SCRT1: variants seen among roughly 807,000 people sequenced by gnomAD.
The protein encoded by SCRT1 is scratch family transcriptional repressor 1, also known as transcriptional repressor scratch 1.
In SCRT1, 1 loss-of-function variant was observed where a neutral mutation model predicts 3.4. The observed-to-expected ratio is 0.29, with a 90% CI of 0.10 to 1.39. The LOEUF (loss-of-function observed/expected upper bound fraction) is 1.39. Among genes scored for constraint, SCRT1 ranks in the 40% most tolerant of loss-of-function variants. The pLI, the probability that SCRT1 is intolerant of heterozygous loss-of-function variation, is 0.42. For synonymous variants in SCRT1, 238 were observed against 247.0 expected, an observed-to-expected ratio of 0.96 and a Z score of 0.34; for missense variants, 380 against 526.3, an observed-to-expected ratio of 0.72 and a Z score of 2.72.
rs1282330290 is a variant in SCRT1 at position 144,332,195 on chromosome 8, G to A, written c.*990C>T. 1.3e-5 allele frequency: 2 copies of A among 152,308 alleles called. No individual in the cohort carries two copies. The highest frequency in any genetic ancestry group is 2.9e-5 in the Non-Finnish European group (2 of 68,058). The allele number at this position is 152,308 out of a possible 1,614,324, so 9.4% of individuals were successfully genotyped here. On this transcript the variant is annotated 3_prime_UTR_variant, in exon 2 of 2. Coordinates refer to ENST00000569446, the MANE Select transcript of SCRT1 (RefSeq NM_031309.6). Reference sequence around the variant, plus strand: ...GCCCCCGGCGTCGGCGGGCAAGATGGGGGTTCAGCGCCCCCTCCCTGACCC... The same window carrying A: ...GCCCCCGGCGTCGGCGGGCAAGATGAGGGTTCAGCGCCCCCTCCCTGACCC...
chr8:144,333,575 C>T lies in SCRT1; in HGVS notation c.657G>A (p.Gln219=), dbSNP rs782588362. The part of the protein sequence containing the change: ...HKQTHRSLDS[Q]LARRCPTCGK... ...CGCACGTCGGGCAGCGCCGCGCCAG[C>T]TGGCTGTCCAGGCTGCGGTGCGTCT... Residue 219 remains glutamine (Q), a synonymous_variant, in exon 2 of 2, where the codon CAG becomes CAA. Transcript: ENST00000569446. The T allele has an allele frequency of 3.7e-6, 6 of 1,610,322 alleles. No homozygotes were observed. Among genetic ancestry groups the T allele is most frequent in the Middle Eastern group, 1.9e-4 (1 of 5,382 alleles).
chr8:144,336,069 G>T lies in SCRT1; in HGVS notation c.101C>A (p.Pro34Gln). 1 of 1,605,704 alleles carries T rather than the reference G, an allele frequency of 6.2e-7. No homozygotes were observed. The highest frequency in any genetic ancestry group is 2.2e-5 in the East Asian group (1 of 44,488). The part of the protein sequence containing the change: ...YGRARSDLGA[P>Q]LHDKGYLSDY... ...CCAGCGCTCACCTTTATCGTGCAGTGGCGCGCCGAGGTCGCTGCGGGCGCG... is the reference window on the plus strand; with the variant it reads ...CCAGCGCTCACCTTTATCGTGCAGTTGCGCGCCGAGGTCGCTGCGGGCGCG... The change falls in exon 1 of 2, where the codon CCA (proline) becomes CAA (glutamine). Residue 34 changes from proline (P) to glutamine (Q), a missense_variant. Pro to Gln is a moderately conservative substitution (Grantham distance 76, BLOSUM62 -1). Transcript: ENST00000569446. This position sits in a 1 kb window ranked among gnomAD's most constrained non-coding sequence, Gnocchi z 6.8.
At position 144,332,614 on chromosome 8, in the gene SCRT1, G is replaced by T. The variant is rs1308999579; in HGVS notation, c.*571C>A. 1 of 152,534 alleles carries T rather than the reference G, an allele frequency of 6.6e-6. No individual in the cohort carries two copies. The highest frequency in any genetic ancestry group is 2.4e-5 in the African/African-American group (1 of 41,442). The allele number at this position is 152,534 out of a possible 1,614,324, so 9.4% of individuals were successfully genotyped here. On this transcript the variant is annotated 3_prime_UTR_variant, in exon 2 of 2. Coordinates refer to ENST00000569446, the MANE Select transcript of SCRT1 (RefSeq NM_031309.6). The stretch of plus-strand genomic sequence containing the variant: ...GCAACCCGAGGGAGGGGGTGCCGCC[G>T]TCCGCCCCTCTCCCCGACCCACAAC...
rs1443682968 is a variant in SCRT1, at chr8:144,333,084, G to T, written c.*101C>A. 1.9e-6 allele frequency: 2 copies of T among 1,057,440 alleles called. No individual in the cohort carries two copies. Among genetic ancestry groups the T allele is most frequent in the African/African-American group, 3.3e-5 (2 of 61,078 alleles). 65.5% of individuals were successfully genotyped at this position (1,057,440 alleles called of 1,614,324 possible). A position where few individuals can be genotyped will look rare whatever the true frequency, so the allele number is the denominator to read the frequency against. ...GCCCCCCTCCCCCTATTGCTGTGAG[G>T]AGGGGCCCGCCCTCCGGCCCCTCCA... On this transcript the variant is annotated 3_prime_UTR_variant, in exon 2 of 2. Transcript: ENST00000569446.
At chr8:144,334,252 C>G (rs1243634504) in intron 1 of SCRT1, 136 bp from the exon 2 acceptor site, 12 of 659,016 alleles carry the variant, frequency 1.8e-5, no homozygotes, top group Non-Finnish European at 2.8e-5. Flanking sequence ...GGGAGGAGGA[C>G]AAAGGAGAGG....
At position 144,333,766 on chromosome 8, in the gene SCRT1, C is replaced by A; in HGVS notation, c.466G>T (p.Gly156Cys). 1 of 1,182,910 alleles carries A rather than the reference C, an allele frequency of 8.5e-7. No individual in the cohort carries two copies. Among genetic ancestry groups the A allele is most frequent in the Non-Finnish European group, 1.0e-6 (1 of 957,314 alleles). The allele number at this position is 1,182,910 out of a possible 1,614,324, so 73.3% of individuals were successfully genotyped here. A position where few individuals can be genotyped will look rare whatever the true frequency, so the allele number is the denominator to read the frequency against. The change falls in exon 2 of 2, where the codon GGC becomes TGC. Residue 156 changes from glycine (G) to cysteine (C), a missense_variant. Gly to Cys is a radical substitution (Grantham distance 159). Transcript: ENST00000569446. ...DGDAGGGGGAGGRSLGSGPGG... is the reference protein window; with the variant it reads ...DGDAGGGGGACGRSLGSGPGG... Reference sequence around the variant, plus strand: ...GGCCCGGATCCCAAGCTGCGCCCGCCCGCCCCGCCCCCGCCTCCGGCGTCG... The same window carrying A: ...GGCCCGGATCCCAAGCTGCGCCCGCACGCCCCGCCCCCGCCTCCGGCGTCG...
At position 144,333,644 on chromosome 8, in the gene SCRT1, G is replaced by C. The variant is rs1207121734; in HGVS notation, c.588C>G (p.Cys196Trp). 1.3e-6 allele frequency: 2 copies of C among 1,590,304 alleles called. No homozygotes were observed. The highest frequency in any genetic ancestry group is 1.4e-5 in the African/African-American group (1 of 72,978). ...GAGGRHACGE[C>W]GKTYATSSNL... ...TCGACGACGTGGCGTATGTTTTGCC[G>C]CACTCGCCGCACGCGTGCCGGCCGC... The change falls in exon 2 of 2, where the codon TGC (cysteine) becomes TGG (tryptophan). Residue 196 changes from cysteine (C) to tryptophan (W), a missense_variant. By Grantham distance (215) the Cys-to-Trp change is radical (BLOSUM62 -2). Transcript: ENST00000569446.
rs562531737 is a variant in SCRT1, at chr8:144,335,720, G to T, written c.115+335C>A. ...TGGTCTCTTGAGTGTAGGTCTGTGT[G>T]TGCCGGCATGGCTGGGTCCCGTCAT... On this transcript the variant is annotated intron_variant, in intron 1 of 1. Transcript: ENST00000569446. The surrounding 1 kb of genome is among the most constrained non-coding windows in gnomAD (Gnocchi z 7.7). Among the ~76,000 whole-genome samples, 1 of 152,260 alleles carries T rather than the reference G, an allele frequency of 6.6e-6. No individual in the cohort carries two copies. Among genetic ancestry groups the T allele is most frequent in the East Asian group, 1.9e-4 (1 of 5,172 alleles).
In SCRT1 at chr8:144,332,974, G is replaced by C. The variant is rs1817809496; in HGVS notation, c.*211C>G. The C allele has an allele frequency of 4.0e-6, 2 of 504,034 alleles. No individual in the cohort carries two copies. The highest frequency in any genetic ancestry group is 6.9e-6 in the Non-Finnish European group (2 of 289,216). The allele number at this position is 504,034 out of a possible 1,614,324, so 31.2% of individuals were successfully genotyped here. On this transcript the variant is annotated 3_prime_UTR_variant, in exon 2 of 2. Coordinates refer to ENST00000569446, the MANE Select transcript of SCRT1 (RefSeq NM_031309.6). ...GGGGGCACCCTGGAGGGGAGGGGAG[G>C]GGGCTCGGGGTGGGTCTCCCCTCGG...
chr8:144,333,195 A>T lies in SCRT1; in HGVS notation c.1037T>A (p.Val346Glu). 1 of 1,567,644 alleles carries T rather than the reference A, an allele frequency of 6.4e-7. No individual in the cohort carries two copies. Among genetic ancestry groups the T allele is most frequent in the Non-Finnish European group, 8.6e-7 (1 of 1,159,508 alleles). The change falls in exon 2 of 2, where the codon GTG becomes GAG. Residue 346 changes from valine (V) to glutamate (E), a missense_variant. This residue lies in a region of SCRT1 where 67 missense variants were observed against 64.7 expected (regional missense o/e 1.04). Transcript: ENST00000569446. ...AAPAPPQLSP[V>E]QA Reference sequence around the variant, plus strand: ...GGAGGCCCCGCCGCCCTAGGCCTGCACAGGGCTGAGCTGTGGCGGCGCAGG... The same window carrying T: ...GGAGGCCCCGCCGCCCTAGGCCTGCTCAGGGCTGAGCTGTGGCGGCGCAGG...
Position 144,334,030 on chromosome 8 carries a change from T to A in SCRT1, c.202A>T (p.Met68Leu). Residue 68 changes from methionine (M) to leucine (L), a missense_variant, in exon 2 of 2, where the codon ATG (methionine) becomes TTG (leucine). Coordinates refer to ENST00000569446, the MANE Select transcript of SCRT1 (RefSeq NM_031309.6). The stretch of plus-strand genomic sequence containing the variant: ...TCTCCACGCACAGCTGCTGCGTACA[T>A]GGGCTCCGGCGACGGCCCTTTGAGC... ...ALLKGPSPEP[M>L]YAAAVRGELG... 1 of 1,523,564 alleles carries A rather than the reference T, an allele frequency of 6.6e-7. No homozygotes were observed. Among genetic ancestry groups the A allele is most frequent in the Non-Finnish European group, 8.8e-7 (1 of 1,139,756 alleles). The allele number at this position is 1,523,564 out of a possible 1,614,324, so 94.4% of individuals were successfully genotyped here.
intron 1 of SCRT1, among the ~76,000 whole-genome samples, 158 bp from the exon 2 acceptor site, chr8:144,334,274 C>T (rs1450983780): frequency 1.3e-4 from 19 of 151,980 alleles, no homozygotes; most frequent in Non-Finnish European, 2.5e-4. Context: ...GGCCGAGGGA[C>T]CGCCGGGCAG....
In SCRT1 at chr8:144,335,414, A is replaced by G. The variant is rs1554850199; in HGVS notation, c.115+641T>C. On this transcript the variant is annotated intron_variant, in intron 1 of 1. Coordinates refer to ENST00000569446, the MANE Select transcript of SCRT1 (RefSeq NM_031309.6). The surrounding 1 kb of genome is among the most constrained non-coding windows in gnomAD (Gnocchi z 7.7). ...TGGCACTCCTGTCCCCCTCTCCTGC[A>G]TGCTGACAGTTGTCCTTGAACTTGG... 6.6e-6 allele frequency among the ~76,000 whole-genome samples: 1 copy of G among 152,098 alleles called. No individual in the cohort carries two copies. The highest frequency in any genetic ancestry group is 1.5e-5 in the Non-Finnish European group (1 of 68,004).
rs549160599 is a variant in SCRT1, at chr8:144,336,425, T to C, written c.-256A>G. 22 of 367,216 alleles carry C rather than the reference T, an allele frequency of 6.0e-5. No homozygotes were observed. The Admixed American group carries it at 9.9e-4, about 17-fold the overall frequency. The allele number at this position is 367,216 out of a possible 1,614,324, so 22.7% of individuals were successfully genotyped here. On this transcript the variant is annotated 5_prime_UTR_variant, in exon 1 of 2. Coordinates refer to ENST00000569446, the MANE Select transcript of SCRT1 (RefSeq NM_031309.6). The surrounding 1 kb of genome is among the most constrained non-coding windows in gnomAD (Gnocchi z 6.8). Reference sequence around the variant, plus strand: ...TCAATCCTTCCTTCCTTCTCTCCTCTTCTCTCCTCTCCTCTTCCTTCCTTC... The same window carrying C: ...TCAATCCTTCCTTCCTTCTCTCCTCCTCTCTCCTCTCCTCTTCCTTCCTTC...
rs576867734 is a variant in SCRT1, at chr8:144,335,299, C to T, written c.115+756G>A. 4.6e-5 allele frequency among the ~76,000 whole-genome samples: 7 copies of T among 152,166 alleles called. No homozygotes were observed. The highest frequency in any genetic ancestry group is 1.0e-4 in the Non-Finnish European group (7 of 68,018). On this transcript the variant is annotated intron_variant, in intron 1 of 1. Coordinates refer to ENST00000569446, the MANE Select transcript of SCRT1 (RefSeq NM_031309.6). This position sits in a 1 kb window ranked among gnomAD's most constrained non-coding sequence, Gnocchi z 7.7. ...ACACACACACAGGGTCACACACAAG[C>T]GCACACGGTCACATGGCCACACACA...
In SCRT1 at chr8:144,333,647, C is replaced by G. The variant is rs782423991; in HGVS notation, c.585G>C (p.Glu195Asp). The change falls in exon 2 of 2, where the codon GAG becomes GAC. Residue 195 changes from glutamate (E) to aspartate (D), a missense_variant. Glu to Asp is a conservative substitution (Grantham distance 45, BLOSUM62 2). Transcript: ENST00000569446. ...ACGACGTGGCGTATGTTTTGCCGCA[C>G]TCGCCGCACGCGTGCCGGCCGCCAG... is the stretch of plus-strand genomic sequence containing the variant. ...AGAGGRHACG[E>D]CGKTYATSSN... The G allele has an allele frequency of 1.3e-6, 2 of 1,590,568 alleles. No individual in the cohort carries two copies. Among genetic ancestry groups the G allele is most frequent in the South Asian group, 1.1e-5 (1 of 88,810 alleles).
chr8:144,333,158 G>T lies in SCRT1; in HGVS notation c.*27C>A, dbSNP rs1554849799. 2.7e-6 allele frequency: 4 copies of T among 1,471,462 alleles called. No individual in the cohort carries two copies. The South Asian group carries it at 4.1e-5, about 15-fold the overall frequency. 91.2% of individuals were successfully genotyped at this position (1,471,462 alleles called of 1,614,324 possible). ...CTGGGGGGCCGTATTGCTGAGAGCC[G>T]ACCTGGCTGGGGGAGGCCCCGCCGC... On this transcript the variant is annotated 3_prime_UTR_variant, in exon 2 of 2. Transcript: ENST00000569446.
Position 144,335,935 on chromosome 8 carries a change from C to T in SCRT1, c.115+120G>A, listed in dbSNP as rs1473688673. ...TCCAGGCTCCAGCCACAGACTCTTG[C>T]CGTTTCTGGTTCCCTTCAGTCTGTT... On this transcript the variant is annotated intron_variant, in intron 1 of 1. Transcript: ENST00000569446. The surrounding 1 kb of genome is among the most constrained non-coding windows in gnomAD (Gnocchi z 7.7). 2 of 663,900 alleles carry T rather than the reference C, an allele frequency of 3.0e-6. No individual in the cohort carries two copies. Among genetic ancestry groups the T allele is most frequent in the Non-Finnish European group, 4.9e-6 (2 of 405,940 alleles). 41.1% of individuals were successfully genotyped at this position (663,900 alleles called of 1,614,324 possible). A position where few individuals can be genotyped will look rare whatever the true frequency, so the allele number is the denominator to read the frequency against.
Position 144,336,178 on chromosome 8 carries a change from C to T in SCRT1, c.-9G>A. Reference sequence around the variant, plus strand: ...AGGAAGGACCTGGGCATGATTCCTGCGGGGCTCCGGCGCTGTGGGCCTGCG... The same window carrying T: ...AGGAAGGACCTGGGCATGATTCCTGTGGGGCTCCGGCGCTGTGGGCCTGCG... On this transcript the variant is annotated 5_prime_UTR_variant, in exon 1 of 2. Transcript: ENST00000569446. The surrounding 1 kb of genome is among the most constrained non-coding windows in gnomAD (Gnocchi z 6.8). The T allele has an allele frequency of 1.3e-6, 2 of 1,574,824 alleles. No homozygotes were observed. Among genetic ancestry groups the T allele is most frequent in the Non-Finnish European group, 1.7e-6 (2 of 1,157,132 alleles).
Sources: allele counts gnomAD v4.1 joint callset (sites outside exome capture counted in the v4.1 genomes callset), GRCh38; gene constraint gnomAD v4.1.1; regional missense constraint gnomAD v4.1.1; non-coding constraint Gnocchi (gnomAD v3.1); transcripts MANE v1.5; gene names NCBI Gene and HGNC (gene_info 2026-07-23, HGNC 2026-07-21).